NCKAP5: variants seen among roughly 807,000 people sequenced by gnomAD.
NCKAP5 encodes the protein nck-associated protein 5.
In NCKAP5, 92 loss-of-function variants were observed where a neutral mutation model predicts 167.0. The ratio of observed to expected loss-of-function variants is 0.55; its 90% CI spans 0.47 to 0.66. NCKAP5 has a LOEUF of 0.66. Ranked by LOEUF, NCKAP5 falls within the 30% of genes least tolerant of loss-of-function variation. NCKAP5 has a pLI of 0.00. For missense variants in NCKAP5, 2,378 were observed against 2,315.0 expected (o/e 1.03, Z -0.56); for synonymous variants, 891 against 877.4 (o/e 1.02, Z -0.27).
At chr2:133,325,227 G>A (rs941542424) in intron 3 of NCKAP5, among the ~76,000 whole-genome samples, 1 of 152,166 alleles carries the variant, frequency 6.6e-6, no homozygotes, top group African/African-American at 2.4e-5. Context: ...TGTACACAGG[G>A]AAAGAGCCAG....
At chr2:133,246,355 G>C (rs1188500506) in intron 4 of NCKAP5, among the ~76,000 whole-genome samples, 1 of 152,084 alleles carries the variant, frequency 6.6e-6, no homozygotes, top group Admixed American at 6.5e-5. Context: ...GCTTGTCTCT[G>C]GAAACTTTTT....
intron 6 of NCKAP5, among the ~76,000 whole-genome samples, chr2:133,110,065 AG>A (rs2081857322): frequency 6.6e-6 from 1 of 152,200 alleles, no homozygotes; most frequent in African/African-American, 2.4e-5. Context: ...GCAGCAACAG[AG>A]GTTTCCTACA....
At position 133,336,471 on chromosome 2, in the gene NCKAP5, A is replaced by C. The variant is rs138455546; in HGVS notation, c.70-33361T>G. ...CTTCATGATGATTTTGCCCTTTGGC[A>C]CAAATGTCTTGGTAAATGTTTCAAA... On this transcript the variant is annotated intron_variant, in intron 3 of 19. Transcript: ENST00000409261. Among the ~76,000 whole-genome samples the C allele has an allele frequency of 7.2e-3, 1,102 of 152,288 alleles. 7 individuals carry two copies. Among genetic ancestry groups the C allele is most frequent in the Middle Eastern group, 0.01 (3 of 294 alleles).
At chr2:133,174,368 C>T (rs1173778789) in intron 5 of NCKAP5, among the ~76,000 whole-genome samples, 6 of 152,074 alleles carry the variant, frequency 3.9e-5, no homozygotes. Context: ...TAGGCTCTAC[C>T]AGGTCTCTCT....
chr2:133,456,806 T>G (rs920032991), intron 3 of NCKAP5, among the ~76,000 whole-genome samples: 1 of 152,190 alleles, frequency 6.6e-6, no homozygotes, highest in Non-Finnish European at 1.5e-5. Context: ...TCCCAGATAC[T>G]TGGCCAAAGG....
Position 132,765,308 on chromosome 2 carries a change from CTTTTTTTTTT to C in NCKAP5, c.5128+8498_5128+8507del, listed in dbSNP as rs1170247644. On this transcript the variant is annotated intron_variant, in intron 16 of 19. Transcript: ENST00000409261. The stretch of plus-strand genomic sequence containing the variant: ...TGTTTTCCTATGGATTTCTTTCTTT[CTTTTTTTTTT>C]TTTTTTTTTTTGAGACGGAGTTTCG... Among the ~76,000 whole-genome samples, 8 of 114,290 alleles carry C rather than the reference CTTTTTTTTTT, an allele frequency of 7.0e-5. No homozygotes were observed. The East Asian group carries it at 7.6e-4, about 11-fold the overall frequency. The allele number at this position is 114,290 out of a possible 152,430, so 75.0% of individuals were successfully genotyped here.
At chr2:133,038,001 C>T (rs1373956761) in intron 6 of NCKAP5, among the ~76,000 whole-genome samples, 1 of 152,080 alleles carries the variant, frequency 6.6e-6, no homozygotes, top group Non-Finnish European at 1.5e-5. Flanking sequence ...AAAGAGAACC[C>T]TTGTAAACTG....
intron 4 of NCKAP5, among the ~76,000 whole-genome samples, chr2:133,293,949 A>G (rs935987051): frequency 6.6e-6 from 1 of 152,150 alleles, no homozygotes; most frequent in Non-Finnish European, 1.5e-5. Context: ...AGGGAAAGAT[A>G]ATGTGAGGCA....
chr2:132,800,675 T>C (rs1684954391), intron 11 of NCKAP5, among the ~76,000 whole-genome samples: 1 of 152,156 alleles, frequency 6.6e-6, no homozygotes, highest in Non-Finnish European at 1.5e-5. Context: ...CCCTAGATCC[T>C]GTTCAGTATT....
At chr2:133,174,845 C>T (rs956325487) in intron 5 of NCKAP5, among the ~76,000 whole-genome samples, 7 of 151,974 alleles carry the variant, frequency 4.6e-5, no homozygotes, top group South Asian at 2.1e-4. Flanking sequence ...TAACCTCATG[C>T]GTGTTTACTT....
chr2:132,729,005 C>A, intron 17 of NCKAP5, 53 bp from the exon 18 acceptor site: 1 of 1,602,842 alleles, frequency 6.2e-7, no homozygotes, highest in Middle Eastern at 1.7e-4. Context: ...CAACATTTTA[C>A]AAGTTTAGGG....
intron 8 of NCKAP5, among the ~76,000 whole-genome samples, chr2:132,957,404 A>G (rs538375307): frequency 6.6e-6 from 1 of 152,228 alleles, no homozygotes; most frequent in Admixed American, 6.5e-5. Context: ...GGAGCTATAC[A>G]TTGGGAGTTC....
chr2:132,966,981 C>G (rs2076688725), intron 7 of NCKAP5, among the ~76,000 whole-genome samples: 1 of 152,164 alleles, frequency 6.6e-6, no homozygotes, highest in Non-Finnish European at 1.5e-5. Context: ...TCAGTGCTGC[C>G]TTGCTCCATC....
intron 19 of NCKAP5, among the ~76,000 whole-genome samples, chr2:132,725,021 T>G (rs79643220): frequency 0.017 from 2,584 of 152,348 alleles, 30 homozygotes; most frequent in Middle Eastern, 0.048. Context: ...CAATCCAGAA[T>G]GAATTAGAAG....
At chr2:133,284,287 GC>G (rs2090029423) in intron 4 of NCKAP5, among the ~76,000 whole-genome samples, 1 of 152,102 alleles carries the variant, frequency 6.6e-6, no homozygotes, top group Non-Finnish European at 1.5e-5. Flanking sequence ...ATAAAAGGAA[GC>G]CCTACCCCAT....
At chr2:133,333,775 CAGTG>C in intron 3 of NCKAP5, 1 of 152,224 alleles carries the variant, frequency 6.6e-6, no homozygotes, top group Non-Finnish European at 1.5e-5. Flanking sequence ...CTCCCCTACA[CAGTG>C]AGGGACTGCA....
chr2:133,119,739 A>G (rs2082193817), intron 6 of NCKAP5, among the ~76,000 whole-genome samples: 1 of 152,152 alleles, frequency 6.6e-6, no homozygotes, highest in Non-Finnish European at 1.5e-5. Context: ...GATGGAACAG[A>G]AAGAGTGTGT....
intron 3 of NCKAP5, among the ~76,000 whole-genome samples, chr2:133,446,510 A>T (rs1472335768): frequency 6.6e-6 from 1 of 152,184 alleles, no homozygotes; most frequent in African/African-American, 2.4e-5. Context: ...CACTGAAGCA[A>T]GGAAAATTTA....
At chr2:132,991,552 CAAA>C (rs2077447542) in intron 7 of NCKAP5, among the ~76,000 whole-genome samples, 1 of 152,146 alleles carries the variant, frequency 6.6e-6, no homozygotes, top group Non-Finnish European at 1.5e-5. Context: ...ACCCCCTGAA[CAAA>C]ATATGACTAC....
Sources: allele counts gnomAD v4.1 joint callset (sites outside exome capture counted in the v4.1 genomes callset), GRCh38; gene constraint gnomAD v4.1.1; transcripts MANE v1.5; gene names NCBI Gene and HGNC (gene_info 2026-07-23, HGNC 2026-07-21).